ANKRD44: variants seen among roughly 807,000 people sequenced by gnomAD.
The protein encoded by ANKRD44 is ankyrin repeat domain 44.
ANKRD44 carries 35 observed loss-of-function variants against 116.0 expected under a neutral mutation model. The observed-to-expected ratio is 0.30, with a 90% confidence interval of 0.23 to 0.40. The LOEUF is 0.40. ANKRD44 is among the 10% of genes least tolerant of loss of function. The probability of loss-of-function intolerance (pLI) is 1.00; values close to 1 mark genes in which losing one functional copy is unlikely to be tolerated. For synonymous variants in ANKRD44, 435 were observed against 461.8 expected (o/e 0.94, Z 0.74); for missense variants, 1,014 against 1,242.6 (o/e 0.82, Z 2.77).
Position 197,310,623 on chromosome 2 carries a change from G to C in ANKRD44, c.-19C>G, listed in dbSNP as rs546671160. The C allele has an allele frequency of 6.8e-6, 9 of 1,328,328 alleles. No homozygotes were observed. The South Asian group carries it at 8.8e-5, about 13-fold the overall frequency. 82.3% of individuals were successfully genotyped at this position (1,328,328 alleles called of 1,614,324 possible). A position where few individuals can be genotyped will look rare whatever the true frequency, so the allele number is the denominator to read the frequency against. On this transcript the variant is annotated 5_prime_UTR_variant, in exon 1 of 28. Coordinates refer to ENST00000282272, the MANE Select transcript of ANKRD44 (RefSeq NM_001195144.2). ...CTGCCATTCTTCCGCTCCTTCGCGC[G>C]CACACACATGCAGGTCCCCGGCCCG...
chr2:197,205,462 T>A (rs1012018174), intron 1 of ANKRD44, among the ~76,000 whole-genome samples: 7 of 152,312 alleles, frequency 4.6e-5, no homozygotes, highest in Middle Eastern at 6.8e-3. Context: ...TGCGAAGTGA[T>A]GTCCTCCACC....
intron 21 of ANKRD44, among the ~76,000 whole-genome samples, chr2:196,977,831 T>C (rs2075771190): frequency 6.6e-6 from 1 of 152,112 alleles, no homozygotes; most frequent in East Asian, 1.9e-4. Flanking sequence ...CTCCTAGATA[T>C]ATACACAATT....
chr2:197,232,067 G>A lies in ANKRD44; in HGVS notation c.28-44961C>T, dbSNP rs575762276. Among the ~76,000 whole-genome samples the A allele has an allele frequency of 6.3e-4, 96 of 152,262 alleles. 2 individuals carry two copies. The highest frequency in any genetic ancestry group is 2.2e-3 in the African/African-American group (92 of 41,540). On this transcript the variant is annotated intron_variant, in intron 1 of 27. Transcript: ENST00000282272. ...TGAAGGAATTTGGTTATCAAGACTT[G>A]CTATTCTGAATGCCTAACAGAACAA...
intron 7 of ANKRD44, among the ~76,000 whole-genome samples, chr2:197,121,816 A>C (rs957039668): frequency 6.6e-6 from 1 of 152,228 alleles, no homozygotes; most frequent in African/African-American, 2.4e-5. Context: ...AAGGAATAAA[A>C]GGTGAAGGGC....
Position 197,086,690 on chromosome 2 carries a change from T to G in ANKRD44, c.1306A>C (p.Lys436Gln). 6.2e-7 allele frequency: 1 copy of G among 1,613,892 alleles called. No homozygotes were observed. Among genetic ancestry groups the G allele is most frequent in the South Asian group, 1.1e-5 (1 of 91,072 alleles). ...TCTCTGATTACATACCTCCCACACT[T>G]GTCCTTTTTATGGAAATCTGCTCCG... ...SSGADFHKKDKCGRTPLHYAA... is the reference protein window; with the variant it reads ...SSGADFHKKDQCGRTPLHYAA... Residue 436 changes from lysine (K) to glutamine (Q), a missense_variant, in exon 13 of 28, where the codon AAG (lysine) becomes CAG (glutamine). Physicochemically the swap from Lys to Gln is moderately conservative, Grantham distance 53. Coordinates refer to ENST00000282272, the MANE Select transcript of ANKRD44 (RefSeq NM_001195144.2).
downstream of ANKRD44, among the ~76,000 whole-genome samples, chr2:196,984,087 C>T (rs953686012): frequency 1.3e-5 from 2 of 151,996 alleles, no homozygotes; most frequent in African/African-American, 4.8e-5. Context: ...TTATGCAATC[C>T]CTTGTGAAAA....
chr2:197,125,600 T>C, intron 5 of ANKRD44, 132 bp from the exon 6 acceptor site: 1 of 950,472 alleles, frequency 1.1e-6, no homozygotes, highest in South Asian at 1.4e-5. Flanking sequence ...TCTGACAAAG[T>C]AGAAATATGA....
chr2:196,979,275 C>T (rs185076953), intron 21 of ANKRD44, among the ~76,000 whole-genome samples: 97 of 146,522 alleles, frequency 6.6e-4, no homozygotes, highest in Non-Finnish European at 1.0e-3. Context: ...CCCAGCTACT[C>T]GGGAGGCTGA....
intron 9 of ANKRD44, among the ~76,000 whole-genome samples, chr2:197,107,981 G>C (rs1352995746): frequency 1.3e-5 from 2 of 152,228 alleles, no homozygotes; most frequent in African/African-American, 2.4e-5. Context: ...ATTGTCAGTT[G>C]AGATAAGAGA....
intron 1 of ANKRD44, among the ~76,000 whole-genome samples, chr2:197,242,978 C>T (rs113071098): frequency 5.3e-5 from 8 of 152,348 alleles, no homozygotes; most frequent in African/African-American, 1.4e-4. Flanking sequence ...AGATCACATT[C>T]TGTGACTAGC....
At chr2:196,978,709 A>G (rs2075776887) in intron 21 of ANKRD44, among the ~76,000 whole-genome samples, 1 of 152,168 alleles carries the variant, frequency 6.6e-6, no homozygotes, top group Admixed American at 6.5e-5. Flanking sequence ...ATAACTTTTT[A>G]AAATCACTAA....
chr2:197,229,504 A>C (rs1263152698), intron 1 of ANKRD44, among the ~76,000 whole-genome samples: 1 of 152,220 alleles, frequency 6.6e-6, no homozygotes, highest in African/African-American at 2.4e-5. Context: ...AAGATAGAAG[A>C]CTTAATGAAT....
At chr2:197,189,764 T>C (rs2080778696) in intron 1 of ANKRD44, among the ~76,000 whole-genome samples, 1 of 152,188 alleles carries the variant, frequency 6.6e-6, no homozygotes, top group South Asian at 2.1e-4. Context: ...GAGTAGTCAA[T>C]CAACAGCTGA....
chr2:197,071,387 T>C (rs532035615), intron 16 of ANKRD44, among the ~76,000 whole-genome samples: 2 of 152,334 alleles, frequency 1.3e-5, no homozygotes, highest in East Asian at 1.9e-4. Flanking sequence ...TTCACTTTGT[T>C]GTACTTTCAT....
At chr2:197,282,248 G>A (rs2083287132) in intron 1 of ANKRD44, among the ~76,000 whole-genome samples, 1 of 151,624 alleles carries the variant, frequency 6.6e-6, no homozygotes, top group South Asian at 2.1e-4. Context: ...GCAAGACTCT[G>A]TCTCAAAAAA....
intron 7 of ANKRD44, 69 bp downstream of exon 7, chr2:197,122,581 T>TGTTAAATCCTG: frequency 1.3e-6 from 2 of 1,542,534 alleles, no homozygotes; most frequent in South Asian, 2.5e-5. Context: ...GCAAACAGGA[T>TGTTAAATCCTG]TTAACTTTAG....
At chr2:197,179,212 T>C (rs1434470450) in intron 2 of ANKRD44, among the ~76,000 whole-genome samples, 1 of 152,244 alleles carries the variant, frequency 6.6e-6, no homozygotes, top group African/African-American at 2.4e-5. Context: ...TTTTGTAATT[T>C]GTTTTAATAT....
intron 14 of ANKRD44, 62 bp downstream of exon 14, chr2:197,083,307 A>G (rs1417218532): frequency 2.0e-6 from 3 of 1,525,056 alleles, no homozygotes; most frequent in African/African-American, 2.8e-5. Context: ...AAAACTTAGC[A>G]ATCCTTCCCC....
chr2:197,254,677 A>AG (rs996084081), intron 1 of ANKRD44, among the ~76,000 whole-genome samples: 16 of 150,984 alleles, frequency 1.1e-4, no homozygotes, highest in African/African-American at 3.9e-4. Context: ...CTCTAAAAGT[A>AG]GGGGGGAAAT....
Sources: gnomAD v4.1 joint callset for allele counts (sites outside exome capture counted in the v4.1 genomes callset) on GRCh38, gnomAD v4.1.1 for gene constraint, MANE v1.5 for transcripts, NCBI Gene and HGNC (gene_info 2026-07-23, HGNC 2026-07-21) for gene names.